Variants in SEMA4B observed in about 807,000 individuals in gnomAD.
SEMA4B encodes the protein semaphorin-4B.
In SEMA4B, 55 loss-of-function variants were observed where a neutral mutation model predicts 88.1. That is an observed-to-expected ratio of 0.62 (90% CI 0.50 to 0.78). The LOEUF is 0.78. SEMA4B is among the 30% of genes least tolerant of loss of function. The pLI is 0.00. For synonymous variants in SEMA4B, 525 were observed against 473.6 expected (o/e 1.11, Z -1.41); for missense variants, 1,062 against 1,111.9 (o/e 0.96, Z 0.64).
chr15:90,193,752 C>G (rs1013799217), intron 1 of SEMA4B, among the ~76,000 whole-genome samples: 1 of 151,984 alleles, frequency 6.6e-6, no homozygotes, highest in Non-Finnish European at 1.5e-5. Context: ...AGGTACTGTT[C>G]TAGGTGAGTG....
chr15:90,185,080 A>G, exon 1 of SEMA4B: 2 of 984,346 alleles, frequency 2.0e-6, no homozygotes, highest in Non-Finnish European at 2.4e-6. Context: ...GACTCACTCC[A>G]GGTAGGCGCG....
intron 7 of SEMA4B, among the ~76,000 whole-genome samples, chr15:90,222,302 G>T (rs1381499057): frequency 1.4e-5 from 2 of 147,618 alleles, no homozygotes; most frequent in African/African-American, 5.0e-5. Context: ...GGGCATGGTG[G>T]CTCACGCCTG....
chr15:90,195,728 C>T (rs1306181555), intron 1 of SEMA4B, among the ~76,000 whole-genome samples: 1 of 151,420 alleles, frequency 6.6e-6, no homozygotes, highest in Non-Finnish European at 1.5e-5. Context: ...TCCTGCCTCA[C>T]CCCCCGAAGT....
intron 1 of SEMA4B, among the ~76,000 whole-genome samples, chr15:90,195,936 TTC>T (rs1555420901): frequency 1.5e-5 from 2 of 133,534 alleles, no homozygotes; most frequent in African/African-American, 6.0e-5. Context: ...TTTTTTTTTT[TTC>T]GAGACGGAGT....
chr15:90,228,705 A>G lies in SEMA4B; in HGVS notation c.*62A>G. 2 of 1,597,678 alleles carry G rather than the reference A, an allele frequency of 1.3e-6. No homozygotes were observed. Among genetic ancestry groups the G allele is most frequent in the South Asian group, 1.1e-5 (1 of 90,248 alleles). On this transcript the variant is annotated 3_prime_UTR_variant, in exon 14 of 14. Transcript: ENST00000411539. ...GGCTGTGAATGCTCGGAGAGGGTCA[A>G]CTGGACCTCCCCTCCGCTCTGCTCT...
At position 90,229,383 on chromosome 15, in the gene SEMA4B, A is replaced by G; in HGVS notation, c.*740A>G. On this transcript the variant is annotated 3_prime_UTR_variant, in exon 14 of 14. Transcript: ENST00000411539. ...CTTTCCCTCAGAATTCAGGGAAGAG[A>G]CTGTCGCCTGCCTTCCTCCGTTGTT... 1 of 456,630 alleles carries G rather than the reference A, an allele frequency of 2.2e-6. No individual in the cohort carries two copies. Among genetic ancestry groups the G allele is most frequent in the South Asian group, 1.5e-5 (1 of 64,556 alleles). The allele number at this position is 456,630 out of a possible 1,614,324, so 28.3% of individuals were successfully genotyped here. A position where few individuals can be genotyped will look rare whatever the true frequency, so the allele number is the denominator to read the frequency against.
chr15:90,223,220 T>C (rs755168956), intron 7 of SEMA4B, among the ~76,000 whole-genome samples: 28 of 152,078 alleles, frequency 1.8e-4, no homozygotes, highest in African/African-American at 5.6e-4. Flanking sequence ...GCTGGAATTA[T>C]AGGCATTAAT....
chr15:90,222,141 C>T (rs1057061707), intron 7 of SEMA4B, among the ~76,000 whole-genome samples: 5 of 150,736 alleles, frequency 3.3e-5, no homozygotes, highest in South Asian at 2.1e-4. Context: ...GGTTTTACCA[C>T]GTTGCCTGGG....
chr15:90,190,153 G>C (rs924111193), intron 1 of SEMA4B, among the ~76,000 whole-genome samples: 1 of 152,214 alleles, frequency 6.6e-6, no homozygotes, highest in African/African-American at 2.4e-5. Flanking sequence ...TGGTGCTGCA[G>C]GGTGGCTGCT....
chr15:90,198,051 T>A (rs996307828), upstream of SEMA4B, among the ~76,000 whole-genome samples: 2 of 151,186 alleles, frequency 1.3e-5, no homozygotes, highest in Non-Finnish European at 1.5e-5. Flanking sequence ...CTCAGCCTCC[T>A]GAGTAGCTGG....
chr15:90,215,295 A>G (rs1279276443), intron 1 of SEMA4B, among the ~76,000 whole-genome samples: 2 of 151,968 alleles, frequency 1.3e-5, no homozygotes, highest in Non-Finnish European at 1.5e-5. Flanking sequence ...TCTAAAAATG[A>G]TAACAAGTAA....
intron 1 of SEMA4B, among the ~76,000 whole-genome samples, chr15:90,215,407 CAA>C (rs769434968): frequency 6.6e-6 from 1 of 152,026 alleles, no homozygotes; most frequent in Non-Finnish European, 1.5e-5. Context: ...ATTTTTCCCA[CAA>C]AAAATAGAAT....
chr15:90,203,222 G>C (rs1037671366), intron 1 of SEMA4B, among the ~76,000 whole-genome samples: 3 of 152,242 alleles, frequency 2.0e-5, no homozygotes, highest in African/African-American at 7.2e-5. Context: ...GGTTAGGACA[G>C]GGTTGGGGTG....
At chr15:90,195,835 C>T (rs560831266) in intron 1 of SEMA4B, among the ~76,000 whole-genome samples, 2 of 152,046 alleles carry the variant, frequency 1.3e-5, no homozygotes, top group East Asian at 3.9e-4. Flanking sequence ...GTCCCGAACC[C>T]CTGAGCTCAG....
At position 90,202,327 on chromosome 15, in the gene SEMA4B, C is replaced by A. The variant is rs183685598; in HGVS notation, c.157+592C>A. ...CTCTGGGCGCTGACATTCCCAAGTC[C>A]TGGGAGCGAACAGACTGCGGATGGG... is the stretch of plus-strand genomic sequence containing the variant. On this transcript the variant is annotated intron_variant, in intron 1 of 13. Coordinates refer to ENST00000411539, the MANE Select transcript of SEMA4B (RefSeq NM_198925.4). Among the ~76,000 whole-genome samples, 4 of 152,278 alleles carry A rather than the reference C, an allele frequency of 2.6e-5. No individual in the cohort carries two copies. The East Asian group carries it at 7.7e-4, about 29-fold the overall frequency.
rs377558379 is a variant in SEMA4B at position 90,223,690 on chromosome 15, C to A, written c.993C>A (p.Ser331Arg). 3 of 1,612,752 alleles carry A rather than the reference C, an allele frequency of 1.9e-6. No homozygotes were observed. Among genetic ancestry groups the A allele is most frequent in the Non-Finnish European group, 2.5e-6 (3 of 1,179,116 alleles). The change falls in exon 8 of 14, where the codon AGC becomes AGA. Residue 331 changes from serine to arginine, a missense_variant. By Grantham distance (110) the Ser-to-Arg change is moderately radical. Coordinates refer to ENST00000411539, the MANE Select transcript of SEMA4B (RefSeq NM_198925.4). The stretch of plus-strand genomic sequence containing the variant: ...AGGATGTCTTCACGCTGAGCCCCAG[C>A]CCCCAGGACTGGCGTGACACCCTTT... ...VLQDVFTLSP[S>R]PQDWRDTLFY...
chr15:90,189,628 C>T (rs1285254504), intron 1 of SEMA4B, among the ~76,000 whole-genome samples: 1 of 149,222 alleles, frequency 6.7e-6, no homozygotes, highest in Non-Finnish European at 1.5e-5. Flanking sequence ...TATAACTATT[C>T]CAAACTGAGG....
intron 3 of SEMA4B, among the ~76,000 whole-genome samples, chr15:90,218,815 C>T (rs991511671): frequency 2.0e-5 from 3 of 152,052 alleles, no homozygotes; most frequent in African/African-American, 4.8e-5. Flanking sequence ...GACTGTGTTT[C>T]AAAAGAAAAA....
At chr15:90,190,183 G>A (rs1960302818) in intron 1 of SEMA4B, among the ~76,000 whole-genome samples, 1 of 152,176 alleles carries the variant, frequency 6.6e-6, no homozygotes, top group South Asian at 2.1e-4. Flanking sequence ...TCCTATCCAG[G>A]CATGGATCTT....
Sources: gnomAD v4.1 joint callset for allele counts (sites outside exome capture counted in the v4.1 genomes callset) on GRCh38, gnomAD v4.1.1 for gene constraint, MANE v1.5 for transcripts, NCBI Gene and HGNC (gene_info 2026-07-23, HGNC 2026-07-21) for gene names.